Variants in MAP4K4 observed in about 807,000 individuals in gnomAD.
The protein encoded by MAP4K4 is HPK/GCK-like kinase HGK.
In MAP4K4, 38 loss-of-function variants were observed where a neutral mutation model predicts 189.6. That is an observed-to-expected ratio of 0.20 (90% CI 0.15 to 0.26). MAP4K4 has a LOEUF of 0.26. MAP4K4 is among the 10% of genes least tolerant of loss of function. The probability of loss-of-function intolerance (pLI) is 1.00; values close to 1 mark genes in which losing one functional copy is unlikely to be tolerated. For missense variants in MAP4K4, 1,054 were observed against 1,726.9 expected (o/e 0.61, Z 6.91); for synonymous variants, 610 against 624.3 (o/e 0.98, Z 0.34).
chr2:101,775,662 G>A lies in MAP4K4; in HGVS notation c.124-15058G>A, dbSNP rs149108431. ...TTTGCCATCTGTTTTATTTTTCCTC[G>A]GAAAAAAATTCTTCAAATTCTCGAA... On this transcript the variant is annotated intron_variant, in intron 2 of 32. Transcript: ENST00000324219. Among the ~76,000 whole-genome samples, 638 of 152,120 alleles carry A rather than the reference G, an allele frequency of 4.2e-3. 4 individuals are homozygous for A. The highest frequency in any genetic ancestry group is 0.015 in the African/African-American group (610 of 41,492).
At chr2:101,880,851 G>T (rs1287832853) in intron 27 of MAP4K4, among the ~76,000 whole-genome samples, 1 of 152,028 alleles carries the variant, frequency 6.6e-6, no homozygotes, top group African/African-American at 2.4e-5. Flanking sequence ...TTATCTATTT[G>T]TCTCTTTTTG....
At chr2:101,874,146 A>C (rs368278957) in exon 26 of MAP4K4, 55 of 1,614,014 alleles carry the variant, frequency 3.4e-5, no homozygotes, top group Non-Finnish European at 4.6e-5. Flanking sequence ...GGAAAGGCTC[A>C]GTGGTCAATG....
chr2:101,759,293 T>TA (rs1036597387), intron 2 of MAP4K4, among the ~76,000 whole-genome samples: 2 of 152,036 alleles, frequency 1.3e-5, no homozygotes, highest in African/African-American at 2.4e-5. Context: ...AAAGAGCTCT[T>TA]ATCTGTTTTC....
chr2:101,765,472 G>A (rs1004416658), intron 2 of MAP4K4, among the ~76,000 whole-genome samples: 21 of 152,108 alleles, frequency 1.4e-4, no homozygotes, highest in Non-Finnish European at 1.3e-4. Flanking sequence ...TGGGAGGTGC[G>A]CGCCACCATG....
chr2:101,759,006 G>A (rs1363387588), intron 2 of MAP4K4, among the ~76,000 whole-genome samples: 3 of 151,902 alleles, frequency 2.0e-5, no homozygotes, highest in Admixed American at 2.0e-4. Flanking sequence ...GGTGGCAGGC[G>A]CCTGTAGTCC....
intron 3 of MAP4K4, among the ~76,000 whole-genome samples, chr2:101,794,849 A>G (rs569957129): frequency 6.6e-6 from 1 of 152,218 alleles, no homozygotes; most frequent in South Asian, 2.1e-4. Flanking sequence ...TGACTTTTGT[A>G]AGAATTTAGC....
intron 2 of MAP4K4, among the ~76,000 whole-genome samples, chr2:101,743,369 C>T (rs570606485): frequency 2.8e-4 from 43 of 152,226 alleles, no homozygotes; most frequent in African/African-American, 9.2e-4. Flanking sequence ...AGAACTGTGA[C>T]CCTAGACTCA....
At chr2:101,724,929 A>G (rs114429507) in intron 2 of MAP4K4, among the ~76,000 whole-genome samples, 24 of 152,344 alleles carry the variant, frequency 1.6e-4, no homozygotes, top group African/African-American at 5.5e-4. Context: ...TTCTGTGTTT[A>G]GATATGTGTA....
chr2:101,782,737 A>G (rs1341675595), intron 2 of MAP4K4, among the ~76,000 whole-genome samples: 1 of 152,100 alleles, frequency 6.6e-6, no homozygotes, highest in East Asian at 1.9e-4. Context: ...GAAGACCGAG[A>G]TGTTTCCTGA....
At chr2:101,892,898 C>T (rs1399078567) in exon 33 of MAP4K4, 1 of 456,362 alleles carries the variant, frequency 2.2e-6, no homozygotes, top group Non-Finnish European at 4.4e-6. Context: ...GTCCTGCCAT[C>T]TTACTTTCCT....
chr2:101,745,693 C>T (rs1479630099), intron 2 of MAP4K4, among the ~76,000 whole-genome samples: 3 of 151,978 alleles, frequency 2.0e-5, no homozygotes, highest in Non-Finnish European at 4.4e-5. Flanking sequence ...ATCCATAAGC[C>T]GTTAAGTGCC....
intron 10 of MAP4K4, 133 bp downstream of exon 10, chr2:101,840,127 G>C (rs906115830): frequency 2.4e-6 from 2 of 835,884 alleles, no homozygotes; most frequent in African/African-American, 3.5e-5. Flanking sequence ...TCTGCTTGCG[G>C]TTCAGTGCTT....
At chr2:101,860,498 G>C (rs1025977137) in intron 15 of MAP4K4, 1 of 202,548 alleles carries the variant, frequency 4.9e-6, no homozygotes, top group Admixed American at 5.3e-5. Flanking sequence ...GATTTCTGAT[G>C]ATAGTTTTTT....
At chr2:101,853,825 G>A (rs910488630) in intron 12 of MAP4K4, among the ~76,000 whole-genome samples, 2 of 152,100 alleles carry the variant, frequency 1.3e-5, no homozygotes, top group Non-Finnish European at 2.9e-5. Context: ...AATGGGTCCT[G>A]TACTAAGTAT....
chr2:101,735,624 C>G lies in MAP4K4; in HGVS notation c.123+37086C>G, dbSNP rs572633787. On this transcript the variant is annotated intron_variant, in intron 2 of 32. Transcript: ENST00000324219. ...GGGCTGGGGCCTGCCCATGGGAGGC[C>G]GTCTTTGTCAAACCAAGGAATTCAG... 1.7e-3 allele frequency among the ~76,000 whole-genome samples: 266 copies of G among 152,118 alleles called. 1 individual carries two copies. Among genetic ancestry groups the G allele is most frequent in the Non-Finnish European group, 3.1e-3 (214 of 67,992 alleles).
chr2:101,749,987 A>C (rs1271415525), intron 2 of MAP4K4, among the ~76,000 whole-genome samples: 2 of 142,976 alleles, frequency 1.4e-5, no homozygotes, highest in Admixed American at 6.8e-5. Context: ...TTAGAATGGC[A>C]ATCATTAAAA....
At chr2:101,827,696 A>G (rs2096422709) in intron 5 of MAP4K4, among the ~76,000 whole-genome samples, 1 of 152,224 alleles carries the variant, frequency 6.6e-6, no homozygotes, top group African/African-American at 2.4e-5. Context: ...CACAAGGCTT[A>G]GCAGCAGGCC....
intron 3 of MAP4K4, among the ~76,000 whole-genome samples, chr2:101,812,991 C>T (rs989292544): frequency 6.6e-6 from 1 of 151,914 alleles, no homozygotes; most frequent in African/African-American, 2.4e-5. Flanking sequence ...TAGCTGGGCA[C>T]GGTGGCGGGT....
At chr2:101,786,033 C>A (rs1158389843) in intron 2 of MAP4K4, among the ~76,000 whole-genome samples, 4 of 152,034 alleles carry the variant, frequency 2.6e-5, no homozygotes, top group African/African-American at 9.7e-5. Flanking sequence ...ACCATGTTGG[C>A]CAGGCTGGTT....
Sources: gnomAD v4.1 joint callset for allele counts (sites outside exome capture counted in the v4.1 genomes callset) on GRCh38, gnomAD v4.1.1 for gene constraint, MANE v1.5 for transcripts, NCBI Gene and HGNC (gene_info 2026-07-23, HGNC 2026-07-21) for gene names.